The following NOSIP variants were observed in gnomAD, a reference collection of about 807,000 sequenced individuals.
The protein encoded by NOSIP is nitric oxide synthase interacting protein, also known as nitric oxide synthase-interacting protein.
In NOSIP, 25 loss-of-function variants were observed where a neutral mutation model predicts 36.4. The observed-to-expected ratio is 0.69, with a 90% CI of 0.50 to 0.96. NOSIP has a LOEUF of 0.96. NOSIP is among the 40% of genes least tolerant of loss of function. The probability of loss-of-function intolerance (pLI) is 0.00; values close to 1 mark genes in which losing one functional copy is unlikely to be tolerated. For missense variants in NOSIP, 370 were observed against 429.0 expected (o/e 0.86, Z 1.21); for synonymous variants, 187 against 179.2 (o/e 1.04, Z -0.35).
At position 49,560,120 on chromosome 19, in the gene NOSIP, C is replaced by A; in HGVS notation, c.71-81G>T. On this transcript the variant is annotated intron_variant, in intron 2 of 8. Coordinates refer to ENST00000596358, the MANE Select transcript of NOSIP (RefSeq NM_001270960.2). This position sits in a 1 kb window ranked among gnomAD's most constrained non-coding sequence, Gnocchi z 4.6. ...GTCTCCAAAGCCCCAGAGAGAGGCA[C>A]AGAGACAACGCGGTGGTGGGGGTGG... 1.1e-6 allele frequency: 1 copy of A among 924,442 alleles called. No homozygotes were observed. Among genetic ancestry groups the A allele is most frequent in the Non-Finnish European group, 1.7e-6 (1 of 596,530 alleles). 57.3% of individuals were successfully genotyped at this position (924,442 alleles called of 1,614,324 possible).
intron 1 of NOSIP, among the ~76,000 whole-genome samples, chr19:49,567,412 T>C (rs917599450): frequency 7.9e-5 from 12 of 151,988 alleles, no homozygotes; most frequent in Non-Finnish European, 1.0e-4. Context: ...TGAGCCACCG[T>C]GCCCGGCCCC....
chr19:49,569,504 G>T (rs1225801590), intron 1 of NOSIP, among the ~76,000 whole-genome samples: 2 of 144,026 alleles, frequency 1.4e-5, no homozygotes, highest in East Asian at 2.3e-4. Context: ...GGCCTACAAT[G>T]ATACATTTTA....
chr19:49,561,090 A>G (rs1230631280), intron 1 of NOSIP, among the ~76,000 whole-genome samples: 1 of 152,128 alleles, frequency 6.6e-6, no homozygotes, highest in Admixed American at 6.5e-5. Flanking sequence ...TTCCCCTCTC[A>G]TATCTGTAAG....
At chr19:49,555,844 A>G in intron 8 of NOSIP, 22 bp from the exon 9 acceptor site, 1 of 1,605,082 alleles carries the variant, frequency 6.2e-7, no homozygotes, top group South Asian at 1.1e-5. Flanking sequence ...AGAGAGAAGG[A>G]CGAGGTAGAG....
intron 6 of NOSIP, 50 bp from the exon 7 acceptor site, chr19:49,556,786 G>GGA: frequency 6.3e-7 from 1 of 1,587,430 alleles, no homozygotes; most frequent in Non-Finnish European, 8.6e-7. Flanking sequence ...TGGCGCAGGT[G>GGA]GAGAGCGCGT....
At chr19:49,576,339 G>A (rs1555736981) in intron 1 of NOSIP, among the ~76,000 whole-genome samples, 1 of 151,410 alleles carries the variant, frequency 6.6e-6, no homozygotes, top group Non-Finnish European at 1.5e-5. Flanking sequence ...CCAAAAAAAA[G>A]CAGCAGCAGC....
At chr19:49,576,568 G>C (rs1209018589) in intron 1 of NOSIP, among the ~76,000 whole-genome samples, 2 of 151,338 alleles carry the variant, frequency 1.3e-5, no homozygotes, top group Non-Finnish European at 2.9e-5. Flanking sequence ...CTGAGTGACA[G>C]AGTGAGACCT....
chr19:49,562,530 G>C (rs902484717), intron 1 of NOSIP, among the ~76,000 whole-genome samples: 1 of 152,160 alleles, frequency 6.6e-6, no homozygotes, highest in African/African-American at 2.4e-5. Context: ...TTGAGCCCAG[G>C]AGATGGAGAT....
At chr19:49,562,112 G>A (rs2080343322) in intron 1 of NOSIP, among the ~76,000 whole-genome samples, 1 of 152,024 alleles carries the variant, frequency 6.6e-6, no homozygotes, top group Non-Finnish European at 1.5e-5. Flanking sequence ...TAAACAGCCT[G>A]CATGCCTGTT....
rs759704726 is a variant in NOSIP, at chr19:49,555,667, C to T, written c.*84G>A. ...TGCACGGCCCTGCATCCTCGCCTGC[C>T]CTGTCCCCGGGGCGCCCACGCCGCG... On this transcript the variant is annotated 3_prime_UTR_variant, in exon 9 of 9. Coordinates refer to ENST00000596358, the MANE Select transcript of NOSIP (RefSeq NM_001270960.2). The T allele has an allele frequency of 1.7e-6, 2 of 1,168,176 alleles. No homozygotes were observed. The highest frequency in any genetic ancestry group is 1.3e-6 in the Non-Finnish European group (1 of 783,448). 72.4% of individuals were successfully genotyped at this position (1,168,176 alleles called of 1,614,324 possible).
Position 49,556,646 on chromosome 19 carries a change from C to G in NOSIP, c.628G>C (p.Asp210His). 1 of 1,611,080 alleles carries G rather than the reference C, an allele frequency of 6.2e-7. No individual in the cohort carries two copies. Among genetic ancestry groups the G allele is most frequent in the Non-Finnish European group, 8.5e-7 (1 of 1,179,764 alleles). Residue 210 changes from aspartate (D) to histidine (H), a missense_variant, in exon 7 of 9, where the codon GAC becomes CAC. By Grantham distance (81) the Asp-to-His change is moderately conservative (BLOSUM62 -1). Transcript: ENST00000596358. ...CTGCGGGTGATGAGCCCCACGCGGT[C>G]CACGGAGCTGTCTAGCGGTGTGAAG... The part of the protein sequence containing the change: ...VHFTPLDSSV[D>H]RVGLITRSER...
chr19:49,561,346 GA>G (rs2080331856), intron 1 of NOSIP, among the ~76,000 whole-genome samples: 1 of 152,180 alleles, frequency 6.6e-6, no homozygotes, highest in African/African-American at 2.4e-5. Context: ...GAAGACCCCA[GA>G]ACCCTGGAGC....
At chr19:49,562,854 T>G (rs1226878989) in intron 1 of NOSIP, among the ~76,000 whole-genome samples, 1 of 152,108 alleles carries the variant, frequency 6.6e-6, no homozygotes, top group African/African-American at 2.4e-5. Context: ...CACTCCAGCC[T>G]GGTGACAGAC....
In NOSIP at chr19:49,571,132, A is replaced by G. The variant is rs1297554502; in HGVS notation, c.-2+9383T>C. On this transcript the variant is annotated intron_variant, in intron 1 of 8. Transcript: ENST00000596358. ...GCTGAGATAACAGGCGCCCACGCCC[A>G]GCTAATTTTTTTTTTTTTTTTTTTG... 3.9e-3 allele frequency among the ~76,000 whole-genome samples: 579 copies of G among 147,872 alleles called. 10 individuals carry two copies. Among genetic ancestry groups the G allele is most frequent in the Non-Finnish European group, 9.5e-4 (64 of 67,300 alleles).
intron 1 of NOSIP, among the ~76,000 whole-genome samples, chr19:49,562,840 A>G (rs2080353467): frequency 6.6e-6 from 1 of 152,138 alleles, no homozygotes; most frequent in South Asian, 2.1e-4. Flanking sequence ...AGATTGCACC[A>G]CTACACTCCA....
chr19:49,557,629 C>G, intron 4 of NOSIP: 1 of 1,096,508 alleles, frequency 9.1e-7, no homozygotes, highest in South Asian at 3.6e-5. Context: ...TTAATGTCAC[C>G]TGCTGGCCAA....
chr19:49,557,182 T>A lies in NOSIP; in HGVS notation c.326A>T (p.Asp109Val). ...QKELQRAASQDHVRGFLEKES... is the reference protein window; with the variant it reads ...QKELQRAASQVHVRGFLEKES... Reference sequence around the variant, plus strand: ...CTTCTCCAGGAAGCCCCGCACATGGTCCTGCGAGGCCGCCCGCTGAAGCTC... The same window carrying A: ...CTTCTCCAGGAAGCCCCGCACATGGACCTGCGAGGCCGCCCGCTGAAGCTC... Residue 109 changes from aspartate (D) to valine (V), a missense_variant, in exon 5 of 9, where the codon GAC becomes GTC. By Grantham distance (152) the Asp-to-Val change is radical (BLOSUM62 -3). Around this residue, in one of 3 missense-constraint regions of NOSIP, gnomAD observed 315 missense variants for 331.9 expected, o/e 0.95. Transcript: ENST00000596358. The A allele has an allele frequency of 6.2e-7, 1 of 1,609,258 alleles. No individual in the cohort carries two copies. Among genetic ancestry groups the A allele is most frequent in the Non-Finnish European group, 8.5e-7 (1 of 1,178,152 alleles).
chr19:49,572,446 T>C, intron 1 of NOSIP, among the ~76,000 whole-genome samples: 1 of 141,858 alleles, frequency 7.0e-6, no homozygotes. Flanking sequence ...AGTCTCGCTC[T>C]GTTGCCCAGT....
chr19:49,556,746 G>T lies in NOSIP; in HGVS notation c.538-10C>A, dbSNP rs2080254152. 1 of 1,603,220 alleles carries T rather than the reference G, an allele frequency of 6.2e-7. No homozygotes were observed. On this transcript the variant is annotated splice_polypyrimidine_tract_variant and intron_variant, in intron 6 of 8. Coordinates refer to ENST00000596358, the MANE Select transcript of NOSIP (RefSeq NM_001270960.2). Reference sequence around the variant, plus strand: ...AGGTCACCGTGCGGGACTGCAAGGGGCAGAGAGAGGCGGGCTCAGTAGGCA... The same window carrying T: ...AGGTCACCGTGCGGGACTGCAAGGGTCAGAGAGAGGCGGGCTCAGTAGGCA...
Sources: gnomAD v4.1 joint callset for allele counts (sites outside exome capture counted in the v4.1 genomes callset) on GRCh38, gnomAD v4.1.1 for gene constraint, gnomAD v4.1.1 regional missense constraint, Gnocchi (gnomAD v3.1) non-coding constraint, MANE v1.5 for transcripts, NCBI Gene and HGNC (gene_info 2026-07-23, HGNC 2026-07-21) for gene names.